Variants in DGKI observed in about 807,000 individuals in gnomAD.
DGKI encodes DAG kinase iota.
A neutral mutation model predicts 147.5 loss-of-function variants in DGKI; 55 were observed. That is an observed-to-expected ratio of 0.37 (90% CI 0.30 to 0.47). The LOEUF is 0.47. Among genes scored for constraint, DGKI ranks in the 20% least tolerant of loss-of-function variants. The pLI, the probability that DGKI is intolerant of heterozygous loss-of-function variation, is 1.00. For synonymous variants in DGKI, 469 were observed against 477.1 expected (o/e 0.98, Z 0.22); for missense variants, 1,007 against 1,323.8 (o/e 0.76, Z 3.71).
rs149672000 is a variant in DGKI, at chr7:137,801,646, G to A, written c.401+44816C>T. Among the ~76,000 whole-genome samples, 256 of 152,316 alleles carry A rather than the reference G, an allele frequency of 1.7e-3. 2 individuals carry two copies. The highest frequency in any genetic ancestry group is 5.8e-3 in the African/African-American group (241 of 41,576). On this transcript the variant is annotated intron_variant, in intron 1 of 32. Coordinates refer to ENST00000614521, the MANE Select transcript of DGKI (RefSeq NM_001321708.2). ...GCTGACAGTCCTATGAATCAGGATG[G>A]AGATCAGTCTCTTTTATGATGTATA...
chr7:137,837,997 CTTTT>C (rs777963342), intron 1 of DGKI, among the ~76,000 whole-genome samples: 4 of 109,834 alleles, frequency 3.6e-5, no homozygotes, highest in African/African-American at 1.1e-4. Flanking sequence ...AAGGGAGAAA[CTTTT>C]TTTTTTTTTT....
rs1272361031 is a variant in DGKI, at chr7:137,670,904, C to T, written c.606+7653G>A. Among the ~76,000 whole-genome samples, 5 of 152,308 alleles carry T rather than the reference C, an allele frequency of 3.3e-5. No individual in the cohort carries two copies. The South Asian group carries it at 6.2e-4, about 19-fold the overall frequency. ...GGCAGATCTTGGTGCATTCTAAGTCCAATGCTGGTGCTCCATGTTACACAC... is the reference window on the plus strand; with the variant it reads ...GGCAGATCTTGGTGCATTCTAAGTCTAATGCTGGTGCTCCATGTTACACAC... On this transcript the variant is annotated intron_variant, in intron 3 of 32. Coordinates refer to ENST00000614521, the MANE Select transcript of DGKI (RefSeq NM_001321708.2).
rs575304669 is a variant in DGKI, at chr7:137,697,447, A to G, written c.402-7445T>C. ...AAGTAGAGAAGACAAATGCAAAGTC[A>G]AAGTATAAATAAGAAATTGAGATTG... On this transcript the variant is annotated intron_variant, in intron 1 of 32. Coordinates refer to ENST00000614521, the MANE Select transcript of DGKI (RefSeq NM_001321708.2). Among the ~76,000 whole-genome samples the G allele has an allele frequency of 2.2e-3, 337 of 152,366 alleles. 1 individual carries two copies. The highest frequency in any genetic ancestry group is 7.8e-3 in the African/African-American group (323 of 41,600).
At chr7:137,391,554 C>T (rs892052754) in intron 32 of DGKI, among the ~76,000 whole-genome samples, 6 of 152,008 alleles carry the variant, frequency 3.9e-5, no homozygotes, top group Admixed American at 1.3e-4. Context: ...TGAACATGTG[C>T]GATTGGTAAA....
chr7:137,841,614 C>T (rs937582990), intron 1 of DGKI, among the ~76,000 whole-genome samples: 4 of 152,176 alleles, frequency 2.6e-5, no homozygotes, highest in African/African-American at 7.2e-5. Flanking sequence ...CACAGCCCAA[C>T]GTGTAGGCAA....
chr7:137,748,028 T>A (rs941218595), intron 1 of DGKI, among the ~76,000 whole-genome samples: 5 of 152,188 alleles, frequency 3.3e-5, no homozygotes, highest in African/African-American at 1.2e-4. Flanking sequence ...GGTCACATAA[T>A]CTAATACTAT....
chr7:137,745,053 A>G (rs969941271), intron 1 of DGKI, among the ~76,000 whole-genome samples: 1 of 152,204 alleles, frequency 6.6e-6, no homozygotes. Context: ...ATCACGCAAT[A>G]TACCCATGTA....
At chr7:137,502,989 G>A (rs1210764042) in intron 21 of DGKI, among the ~76,000 whole-genome samples, 1 of 152,150 alleles carries the variant, frequency 6.6e-6, no homozygotes, top group Non-Finnish European at 1.5e-5. Context: ...AACATCTCCA[G>A]GCCTGGACAA....
chr7:137,746,659 C>A (rs1236372234), intron 1 of DGKI, among the ~76,000 whole-genome samples: 5 of 152,044 alleles, frequency 3.3e-5, no homozygotes, highest in Non-Finnish European at 7.4e-5. Flanking sequence ...TTCCCTATGG[C>A]AGGGAAAAGA....
intron 1 of DGKI, among the ~76,000 whole-genome samples, chr7:137,830,633 T>C (rs574334251): frequency 7.6e-4 from 116 of 152,256 alleles, no homozygotes; most frequent in African/African-American, 2.6e-3. Context: ...GGATAAGGGA[T>C]AGAATGAAAG....
chr7:137,771,055 G>A (rs929299791), intron 1 of DGKI, among the ~76,000 whole-genome samples: 5 of 151,960 alleles, frequency 3.3e-5, no homozygotes, highest in Admixed American at 1.3e-4. Flanking sequence ...CTGGGTTTAC[G>A]TTTTATCTTT....
At chr7:137,710,969 C>T (rs1424371) in intron 1 of DGKI, among the ~76,000 whole-genome samples, 76,229 of 151,952 alleles carry the variant, frequency 0.5, 21,184 homozygotes, top group African/African-American at 0.75. Flanking sequence ...CAAATATTAA[C>T]AGTAAAAAAA....
chr7:137,674,724 C>G (rs1822969214), intron 3 of DGKI, among the ~76,000 whole-genome samples: 1 of 152,194 alleles, frequency 6.6e-6, no homozygotes, highest in Middle Eastern at 3.2e-3. Flanking sequence ...GCTCATGTTC[C>G]TCTTCCCTGC....
intron 19 of DGKI, among the ~76,000 whole-genome samples, chr7:137,562,672 T>C (rs1401211044): frequency 6.6e-6 from 1 of 152,180 alleles, no homozygotes; most frequent in Non-Finnish European, 1.5e-5. Flanking sequence ...ATTGTAAACA[T>C]AAACTCAACA....
chr7:137,747,849 A>G (rs138375385), intron 1 of DGKI, among the ~76,000 whole-genome samples: 2,338 of 152,340 alleles, frequency 0.015, 30 homozygotes, highest in Middle Eastern at 0.027. Context: ...GGCTCTACTC[A>G]GACTTTGTGT....
chr7:137,670,234 G>A (rs1050955226), intron 3 of DGKI, among the ~76,000 whole-genome samples: 8 of 152,084 alleles, frequency 5.3e-5, no homozygotes, highest in Middle Eastern at 3.2e-3. Flanking sequence ...TATTGATCCA[G>A]GGTCACCTAG....
At chr7:137,823,358 T>C (rs914259744) in intron 1 of DGKI, among the ~76,000 whole-genome samples, 1 of 152,212 alleles carries the variant, frequency 6.6e-6, no homozygotes, top group Non-Finnish European at 1.5e-5. Context: ...TAGAACTCCA[T>C]AACCTGAAAA....
chr7:137,814,816 C>A (rs895691160), intron 1 of DGKI, among the ~76,000 whole-genome samples: 4 of 152,038 alleles, frequency 2.6e-5, no homozygotes, highest in African/African-American at 9.7e-5. Flanking sequence ...GTAGACAAAC[C>A]ATGTATGTAT....
chr7:137,569,450 C>T (rs1410386702), intron 19 of DGKI, among the ~76,000 whole-genome samples: 4 of 151,802 alleles, frequency 2.6e-5, no homozygotes, highest in African/African-American at 9.7e-5. Context: ...CTTCCCTGGC[C>T]GGGTGCGGTG....
Sources: gnomAD v4.1 joint callset for allele counts (sites outside exome capture counted in the v4.1 genomes callset) on GRCh38, gnomAD v4.1.1 for gene constraint, MANE v1.5 for transcripts, NCBI Gene and HGNC (gene_info 2026-07-23, HGNC 2026-07-21) for gene names.